The following CDC16 variants were observed in gnomAD, a reference collection of about 807,000 sequenced individuals.
CDC16 encodes the protein cell division cycle protein 16 homolog.
CDC16 carries 34 observed loss-of-function variants against 87.0 expected under a neutral mutation model. That is an observed-to-expected ratio of 0.39 (90% confidence interval 0.30 to 0.52). CDC16 has a LOEUF of 0.52. Among genes scored for constraint, CDC16 ranks in the 20% least tolerant of loss-of-function variants. The pLI is 0.74. For synonymous variants in CDC16, 263 were observed against 260.6 expected (o/e 1.01, Z -0.09); for missense variants, 653 against 751.9 (o/e 0.87, Z 1.54).
chr13:114,237,544 G>A (rs572666000), intron 3 of CDC16, among the ~76,000 whole-genome samples: 1 of 151,986 alleles, frequency 6.6e-6, no homozygotes, highest in Non-Finnish European at 1.5e-5. Flanking sequence ...CTCCCGCCTT[G>A]GTCTCCCAAA....
chr13:114,257,100 A>T lies in CDC16; in HGVS notation c.1120A>T (p.Ile374Phe). 6.2e-7 allele frequency: 1 copy of T among 1,604,580 alleles called. No individual in the cohort carries two copies. The highest frequency in any genetic ancestry group is 8.5e-7 in the Non-Finnish European group (1 of 1,173,280). ...MKGCHLPMLY[I>F]GLEYGLTNNS... is the part of the protein sequence containing the mutation. Reference sequence around the variant, plus strand: ...TAGGTGTCATTTGCCTATGCTGTATATTGGATTAGAATATGGTTTGACCAA... The same window carrying T: ...TAGGTGTCATTTGCCTATGCTGTATTTTGGATTAGAATATGGTTTGACCAA... Residue 374 changes from isoleucine to phenylalanine, a missense_variant, in exon 13 of 18, where the codon ATT (isoleucine) becomes TTT (phenylalanine). Coordinates refer to ENST00000356221, the MANE Select transcript of CDC16 (RefSeq NM_001078645.3).
chr13:114,241,233 T>G (rs976000224), intron 5 of CDC16, among the ~76,000 whole-genome samples: 1 of 151,936 alleles, frequency 6.6e-6, no homozygotes, highest in African/African-American at 2.4e-5. Context: ...ATAAGTTAGA[T>G]AGTAAAGAGT....
intron 12 of CDC16, among the ~76,000 whole-genome samples, chr13:114,255,266 T>C (rs995109823): frequency 2.6e-5 from 4 of 152,236 alleles, no homozygotes; most frequent in South Asian, 4.1e-4. Flanking sequence ...TATATACTTA[T>C]ATCATTTGTT....
At chr13:114,240,950 C>T (rs573162416) in intron 5 of CDC16, among the ~76,000 whole-genome samples, 16 of 148,334 alleles carry the variant, frequency 1.1e-4, no homozygotes, top group African/African-American at 3.9e-4. Flanking sequence ...TTTTAAAAAA[C>T]AACTCCTAGG....
Position 114,236,689 on chromosome 13 carries a change from ACT to A in CDC16, c.99_100del (p.Arg34Ter), listed in dbSNP as rs1267670495. ...TATTTTGGGCAGATAAAGTAGCTTC[ACT>A]CTCTCGTGGTAAGTGACAAAATGCT... ...ALFWADKVAS[L>X]SREEPQDIYW... is the part of the protein sequence containing the mutation. On this transcript the variant is annotated frameshift_variant, in exon 2 of 18. Transcript: ENST00000356221. LOFTEE classifies it high-confidence loss of function. 2.5e-6 allele frequency: 4 copies of A among 1,612,430 alleles called. No individual in the cohort carries two copies. Among genetic ancestry groups the A allele is most frequent in the East Asian group, 2.2e-5 (1 of 44,850 alleles).
intron 3 of CDC16, among the ~76,000 whole-genome samples, chr13:114,237,098 G>A (rs371899213): frequency 1.2e-4 from 18 of 151,966 alleles, no homozygotes; most frequent in Admixed American, 5.2e-4. Context: ...GGTGGCAGGC[G>A]CCTGTAATCC....
chr13:114,259,314 C>T (rs1269703599), intron 13 of CDC16, 21 bp from the exon 14 acceptor site: 2 of 1,556,850 alleles, frequency 1.3e-6, no homozygotes, highest in Non-Finnish European at 8.6e-7. Context: ...TAATCTGCAA[C>T]CTTTTTTCCT....
At chr13:114,266,840 C>G (rs1033143727) in intron 17 of CDC16, among the ~76,000 whole-genome samples, 1 of 152,064 alleles carries the variant, frequency 6.6e-6, no homozygotes, top group African/African-American at 2.4e-5. Flanking sequence ...GGACTACAGG[C>G]ACCCATCACC....
intron 16 of CDC16, among the ~76,000 whole-genome samples, chr13:114,264,675 G>A (rs1006386721): frequency 1.3e-5 from 2 of 151,266 alleles, no homozygotes; most frequent in South Asian, 2.1e-4. Context: ...GCAGTGGTAC[G>A]ATCTCGGCTC....
chr13:114,262,942 C>T lies in CDC16; in HGVS notation c.1440C>T (p.Ser480=). The part of the protein sequence containing the change: ...QALVLIPQNA[S]TYSAIGYIHS... ...TGGTGTTGATTCCTCAGAACGCATC[C>T]ACCTACTCTGCTATTGGATATATCC... Residue 480 remains serine (S), a synonymous_variant, in exon 16 of 18, where the codon TCC becomes TCT. Coordinates refer to ENST00000356221, the MANE Select transcript of CDC16 (RefSeq NM_001078645.3). 6.2e-7 allele frequency: 1 copy of T among 1,613,784 alleles called. No individual in the cohort carries two copies. Among genetic ancestry groups the T allele is most frequent in the Non-Finnish European group, 8.5e-7 (1 of 1,179,676 alleles).
intron 14 of CDC16, among the ~76,000 whole-genome samples, chr13:114,260,766 C>G (rs1207940799): frequency 6.6e-6 from 1 of 152,124 alleles, no homozygotes; most frequent in African/African-American, 2.4e-5. Flanking sequence ...AACAGTCATG[C>G]CTAAGAGTCA....
intron 17 of CDC16, among the ~76,000 whole-genome samples, chr13:114,265,914 C>G (rs946155344): frequency 1.3e-5 from 2 of 151,996 alleles, no homozygotes; most frequent in African/African-American, 4.8e-5. Context: ...CTCCCTGGTT[C>G]AAGCTATTCT....
In CDC16 at chr13:114,234,906, G is replaced by C. The variant is rs1395798638; in HGVS notation, c.-179G>C. On this transcript the variant is annotated 5_prime_UTR_variant, in exon 1 of 18. Transcript: ENST00000356221. The stretch of plus-strand genomic sequence containing the variant: ...GCGGAAGAGCCTGGGCAGTGCACGG[G>C]GCCTGGGTGGGGGGTGCGGGTGTGG... 5.3e-5 allele frequency: 21 copies of C among 395,412 alleles called. No homozygotes were observed. Among genetic ancestry groups the C allele is most frequent in the Non-Finnish European group, 7.5e-5 (17 of 226,406 alleles). The allele number at this position is 395,412 out of a possible 1,614,324, so 24.5% of individuals were successfully genotyped here.
chr13:114,242,099 T>C, intron 5 of CDC16, 22 bp from the exon 6 acceptor site: 1 of 1,587,744 alleles, frequency 6.3e-7, no homozygotes, highest in Non-Finnish European at 8.5e-7. Context: ...ACTTAATATG[T>C]GACTCATCAT....
chr13:114,254,668 A>G (rs1426051004), intron 12 of CDC16, among the ~76,000 whole-genome samples: 2 of 152,186 alleles, frequency 1.3e-5, no homozygotes, highest in South Asian at 2.1e-4. Context: ...ATAATTACCA[A>G]TGTAGCTATT....
chr13:114,241,544 A>G (rs1401251574), intron 5 of CDC16, among the ~76,000 whole-genome samples: 1 of 152,242 alleles, frequency 6.6e-6, no homozygotes, highest in African/African-American at 2.4e-5. Context: ...GTTTTGGACA[A>G]AACAGGTAAT....
Position 114,235,031 on chromosome 13 carries a change from C to T in CDC16, c.-54C>T, listed in dbSNP as rs1190881846. The T allele has an allele frequency of 4.1e-6, 5 of 1,234,556 alleles. No homozygotes were observed. The highest frequency in any genetic ancestry group is 3.1e-5 in the African/African-American group (2 of 63,802). The allele number at this position is 1,234,556 out of a possible 1,614,324, so 76.5% of individuals were successfully genotyped here. A position where few individuals can be genotyped will look rare whatever the true frequency, so the allele number is the denominator to read the frequency against. On this transcript the variant is annotated 5_prime_UTR_variant, in exon 1 of 18. Transcript: ENST00000356221. Reference sequence around the variant, plus strand: ...GGCACGGGGCGGGGTGCTTAGGGTGCAGGAGGCGCGCGCCTAGCGGCGGAG... The same window carrying T: ...GGCACGGGGCGGGGTGCTTAGGGTGTAGGAGGCGCGCGCCTAGCGGCGGAG...
At chr13:114,257,006 G>T in intron 12 of CDC16, 72 bp from the exon 13 acceptor site, 1 of 944,206 alleles carries the variant, frequency 1.1e-6, no homozygotes. Context: ...GATAGGATTT[G>T]AAGTTGACAG....
At chr13:114,264,067 G>A (rs532398042) in intron 16 of CDC16, 2 of 152,252 alleles carry the variant, frequency 1.3e-5, no homozygotes, top group South Asian at 2.1e-4. Context: ...TGAGCGCTTC[G>A]TAACTGATTT....
Sources: allele counts gnomAD v4.1 joint callset (sites outside exome capture counted in the v4.1 genomes callset), GRCh38; gene constraint gnomAD v4.1.1; transcripts MANE v1.5; gene names NCBI Gene and HGNC (gene_info 2026-07-23, HGNC 2026-07-21).